The following MFSD11 variants were observed in gnomAD, a reference collection of about 807,000 sequenced individuals.
MFSD11 encodes UNC93-like protein MFSD11.
MFSD11 carries 36 observed loss-of-function variants against 53.5 expected under a neutral mutation model. The ratio of observed to expected loss-of-function variants is 0.67; its 90% CI spans 0.52 to 0.89. The LOEUF (loss-of-function observed/expected upper bound fraction) is 0.89. Ranked by LOEUF, MFSD11 falls within the 40% of genes least tolerant of loss-of-function variation. The pLI is 0.00. For missense variants in MFSD11, 530 were observed against 543.9 expected (o/e 0.97, Z 0.25); for synonymous variants, 186 against 184.9 (o/e 1.01, Z -0.05).
Position 76,778,518 on chromosome 17 carries a change from G to A in MFSD11, c.*166G>A. 1.7e-6 allele frequency: 1 copy of A among 602,824 alleles called. No homozygotes were observed. The allele number at this position is 602,824 out of a possible 1,614,324, so 37.3% of individuals were successfully genotyped here. On this transcript the variant is annotated 3_prime_UTR_variant, in exon 13 of 13. Transcript: ENST00000685175. ...GCCAGAGTTGGTGTTCAAGTTTACA[G>A]ATATGAGTTATTTAAAGCAAGTAGA...
At chr17:76,777,831 G>C (rs2081982778) in intron 12 of MFSD11, among the ~76,000 whole-genome samples, 1 of 152,076 alleles carries the variant, frequency 6.6e-6, no homozygotes, top group African/African-American at 2.4e-5. Flanking sequence ...TCCACAAAAT[G>C]CTATTTTTGT....
chr17:76,738,098 C>T, upstream of MFSD11: 1 of 498,772 alleles, frequency 2.0e-6, no homozygotes, highest in South Asian at 3.6e-5. Context: ...CGGATAAATT[C>T]TTGGCGCTTC....
At chr17:76,762,613 G>A (rs965627940) in intron 8 of MFSD11, among the ~76,000 whole-genome samples, 5 of 139,866 alleles carry the variant, frequency 3.6e-5, no homozygotes, top group Admixed American at 7.7e-5. Flanking sequence ...CCGAGATCGC[G>A]CCACTGCACT....
At chr17:76,760,227 T>C (rs967532018) in intron 8 of MFSD11, among the ~76,000 whole-genome samples, 1 of 149,352 alleles carries the variant, frequency 6.7e-6, no homozygotes, top group African/African-American at 2.5e-5. Flanking sequence ...GAGGTTGCAG[T>C]GAGCCATGCC....
chr17:76,750,028 G>A (rs775318194), intron 7 of MFSD11, among the ~76,000 whole-genome samples: 49 of 152,118 alleles, frequency 3.2e-4, no homozygotes, highest in Non-Finnish European at 6.2e-4. Context: ...AGCCAGGTGT[G>A]GCTTTTACCT....
Position 76,772,421 on chromosome 17 carries a change from C to CA in MFSD11, c.874+2557dup, listed in dbSNP as rs1414049744. On this transcript the variant is annotated intron_variant, in intron 10 of 12. Coordinates refer to ENST00000685175, the MANE Select transcript of MFSD11 (RefSeq NM_001242532.5). ...TCTCAAAAAAACCAAAAAACCAAAA[C>CA]AAAAAAAGAAATTGCAAAAATAAAA... 2.7e-5 allele frequency among the ~76,000 whole-genome samples: 4 copies of CA among 149,428 alleles called. No individual in the cohort carries two copies. The East Asian group carries it at 7.8e-4, about 29-fold the overall frequency.
the MFSD11 span, among the ~76,000 whole-genome samples, chr17:76,799,955 CTTT>C: frequency 1.4e-5 from 2 of 138,862 alleles, no homozygotes; most frequent in East Asian, 2.1e-4. Flanking sequence ...TTTCTTTTTC[CTTT>C]TTTTTTTTTT....
chr17:76,783,261 G>A (rs2082216554), downstream of MFSD11, among the ~76,000 whole-genome samples: 1 of 152,100 alleles, frequency 6.6e-6, no homozygotes, highest in African/African-American at 2.4e-5. Flanking sequence ...CTAAGTAAAT[G>A]CTGTAGCTGG....
At chr17:76,755,768 A>G (rs993821250) in intron 8 of MFSD11, among the ~76,000 whole-genome samples, 1 of 22,368 alleles carries the variant, frequency 4.5e-5, no homozygotes, top group Non-Finnish European at 2.2e-4. Context: ...GTATATATGT[A>G]CGTGTGTGTG....
At chr17:76,758,236 TA>T (rs2079843053) in intron 8 of MFSD11, among the ~76,000 whole-genome samples, 2 of 152,174 alleles carry the variant, frequency 1.3e-5, no homozygotes, top group African/African-American at 2.4e-5. Context: ...TACTTCACTT[TA>T]TATTAAAACT....
chr17:76,745,896 C>T (rs1024801668), intron 7 of MFSD11, among the ~76,000 whole-genome samples: 8 of 152,052 alleles, frequency 5.3e-5, no homozygotes, highest in East Asian at 3.8e-4. Context: ...GGCATGATCT[C>T]GGCTCACTGC....
chr17:76,799,669 G>A, the MFSD11 span: 5 of 151,872 alleles, frequency 3.3e-5, no homozygotes, highest in East Asian at 9.7e-4. Flanking sequence ...CCACTGCGCT[G>A]GGCTCATGGT....
chr17:76,800,937 C>T, the MFSD11 span, among the ~76,000 whole-genome samples: 3 of 151,738 alleles, frequency 2.0e-5, no homozygotes, highest in Non-Finnish European at 4.4e-5. Flanking sequence ...ATCAGCTGGG[C>T]GCAGCAGCAC....
rs754333939 is a variant in MFSD11, at chr17:76,775,010, C to T, written c.888C>T (p.Phe296=). ...GIGEILGGSL[F]GLLSKNNRFG... is the part of the protein sequence containing the mutation. ...CTTGACTTATAGGTGGAAGCCTCTT[C>T]GGCCTGCTGAGCAAGAACAATCGTT... The change falls in exon 11 of 13, where the codon TTC becomes TTT. Residue 296 remains phenylalanine (F), a synonymous_variant. Coordinates refer to ENST00000685175, the MANE Select transcript of MFSD11 (RefSeq NM_001242532.5). 167 of 1,613,528 alleles carry T rather than the reference C, an allele frequency of 1.0e-4. 2 individuals carry two copies. The South Asian group carries it at 1.2e-3, about 12-fold the overall frequency.
intron 7 of MFSD11, among the ~76,000 whole-genome samples, chr17:76,747,754 T>C (rs981116321): frequency 2.6e-5 from 4 of 152,194 alleles, no homozygotes; most frequent in African/African-American, 7.2e-5. Flanking sequence ...GTGTTGGTCC[T>C]AGAGGACAAA....
At chr17:76,786,549 A>G in the MFSD11 span, among the ~76,000 whole-genome samples, 1 of 152,112 alleles carries the variant, frequency 6.6e-6, no homozygotes. Flanking sequence ...AAGGAAAAGG[A>G]CTCAGCAGAG....
chr17:76,774,667 C>T (rs558975696), intron 10 of MFSD11, among the ~76,000 whole-genome samples: 139 of 152,280 alleles, frequency 9.1e-4, no homozygotes, highest in African/African-American at 3.0e-3. Flanking sequence ...GCAACAAAAA[C>T]GTGGTCATAA....
At chr17:76,748,468 G>A (rs1051921243) in intron 7 of MFSD11, among the ~76,000 whole-genome samples, 3 of 151,654 alleles carry the variant, frequency 2.0e-5, no homozygotes, top group East Asian at 1.9e-4. Flanking sequence ...CAAGAAGATC[G>A]CTTGAGCCCT....
At chr17:76,765,556 A>G (rs1598703973) in intron 8 of MFSD11, among the ~76,000 whole-genome samples, 1 of 137,948 alleles carries the variant, frequency 7.2e-6, no homozygotes, top group South Asian at 2.3e-4. Flanking sequence ...TCAACCTCCC[A>G]GGCTCAAGCG....
Sources: gnomAD v4.1 joint callset for allele counts (sites outside exome capture counted in the v4.1 genomes callset) on GRCh38, gnomAD v4.1.1 for gene constraint, MANE v1.5 for transcripts, NCBI Gene and HGNC (gene_info 2026-07-23, HGNC 2026-07-21) for gene names.